The following CALN1 variants were observed in gnomAD, a reference collection of about 807,000 sequenced individuals.
The protein encoded by CALN1 is calcium-binding protein 8.
A neutral mutation model predicts 30.6 loss-of-function variants in CALN1; 17 were observed. The ratio of observed to expected loss-of-function variants is 0.56; its 90% CI spans 0.38 to 0.83. The LOEUF (loss-of-function observed/expected upper bound fraction) is 0.83. CALN1 is among the 40% of genes least tolerant of loss of function. The pLI is 0.00. For synonymous variants in CALN1, 156 were observed against 131.4 expected, an observed-to-expected ratio of 1.19 and a Z score of -1.28; for missense variants, 291 against 354.9, an observed-to-expected ratio of 0.82 and a Z score of 1.45.
At chr7:72,356,180 T>C (rs956864795) in intron 2 of CALN1, among the ~76,000 whole-genome samples, 3 of 152,138 alleles carry the variant, frequency 2.0e-5, no homozygotes, top group African/African-American at 7.2e-5. Flanking sequence ...AAGGAAAGAA[T>C]TGCTATAGTG....
chr7:71,981,163 A>G (rs1798373526), intron 5 of CALN1, among the ~76,000 whole-genome samples: 1 of 152,122 alleles, frequency 6.6e-6, no homozygotes, highest in African/African-American at 2.4e-5. Flanking sequence ...AGCCCTCGTT[A>G]TAGTCTTTTG....
chr7:72,189,531 T>C (rs947315541), intron 3 of CALN1, among the ~76,000 whole-genome samples: 8 of 152,076 alleles, frequency 5.3e-5, no homozygotes, highest in Admixed American at 1.3e-4. Flanking sequence ...CCAAGACTAG[T>C]AGTCTCCAAT....
chr7:71,989,836 TG>T (rs759779555), intron 5 of CALN1, among the ~76,000 whole-genome samples: 6 of 151,736 alleles, frequency 4.0e-5, no homozygotes, highest in South Asian at 2.1e-4. Flanking sequence ...AGGCACACTA[TG>T]GAACAGAAGC....
chr7:72,119,425 C>T (rs954726903), intron 3 of CALN1, among the ~76,000 whole-genome samples: 4 of 151,976 alleles, frequency 2.6e-5, no homozygotes, highest in African/African-American at 9.7e-5. Context: ...AACCTCCCAC[C>T]GGGTCCCTCC....
At position 71,779,877 on chromosome 7, in the gene CALN1, G is replaced by A. The variant is rs911010884; in HGVS notation, c.*7898C>T. ...TTATTCTGGATATGAGAGCTGCCAA[G>A]CTCCAATCGTCCTGGCCATGATCAA... On this transcript the variant is annotated 3_prime_UTR_variant, in exon 7 of 7. Transcript: ENST00000395275. The A allele has an allele frequency of 2.0e-5, 3 of 152,146 alleles. No homozygotes were observed. Among genetic ancestry groups the A allele is most frequent in the African/African-American group, 7.2e-5 (3 of 41,424 alleles). 9.4% of individuals were successfully genotyped at this position (152,146 alleles called of 1,614,324 possible).
chr7:72,088,744 G>GGGAA (rs1206549369), intron 4 of CALN1, among the ~76,000 whole-genome samples: 1 of 146,058 alleles, frequency 6.8e-6, no homozygotes, highest in Non-Finnish European at 1.5e-5. Flanking sequence ...AAGGAAGGAA[G>GGGAA]GGAAGGAAGG....
intron 6 of CALN1, among the ~76,000 whole-genome samples, chr7:71,809,977 C>A (rs182331471): frequency 6.6e-6 from 1 of 152,108 alleles, no homozygotes; most frequent in African/African-American, 2.4e-5. Context: ...CGGACTCGAC[C>A]CAAGTTTGCC....
the CALN1 span, among the ~76,000 whole-genome samples, chr7:72,486,756 G>T: frequency 0.22 from 32,855 of 151,946 alleles, 3,719 homozygotes; most frequent in East Asian, 0.36. Context: ...AAAGCTTTAA[G>T]ATTTTTTATT....
chr7:72,402,024 G>C (rs1398058199), intron 2 of CALN1, among the ~76,000 whole-genome samples: 1 of 152,164 alleles, frequency 6.6e-6, no homozygotes, highest in Non-Finnish European at 1.5e-5. Context: ...GCTGGGATGG[G>C]GAGACCATCC....
chr7:72,055,330 T>A (rs1188730053), intron 4 of CALN1, among the ~76,000 whole-genome samples: 1 of 151,994 alleles, frequency 6.6e-6, no homozygotes, highest in Non-Finnish European at 1.5e-5. Context: ...AGAGGCTGAT[T>A]AAACAAATAA....
chr7:72,343,392 C>CA (rs1802473144), intron 2 of CALN1, among the ~76,000 whole-genome samples: 1 of 151,892 alleles, frequency 6.6e-6, no homozygotes, highest in South Asian at 2.1e-4. Flanking sequence ...ACTGTAAATA[C>CA]AAAAAATTAG....
At chr7:72,099,069 G>A (rs10231333) in intron 4 of CALN1, among the ~76,000 whole-genome samples, 41 of 151,946 alleles carry the variant, frequency 2.7e-4, no homozygotes, top group Non-Finnish European at 4.4e-4. Context: ...GCCTCGTGCC[G>A]AAGGTATGAC....
intron 5 of CALN1, among the ~76,000 whole-genome samples, chr7:71,921,122 C>CTCATA (rs1158880463): frequency 9.9e-5 from 15 of 152,186 alleles, no homozygotes; most frequent in African/African-American, 3.6e-4. Flanking sequence ...CCAAACACCA[C>CTCATA]ATACTCTCAC....
intron 3 of CALN1, among the ~76,000 whole-genome samples, chr7:72,107,070 C>T (rs978282560): frequency 1.3e-5 from 2 of 151,976 alleles, no homozygotes; most frequent in African/African-American, 2.4e-5. Context: ...GGAGGCAGCT[C>T]GACCTGAGCA....
chr7:72,224,021 C>CA (rs1793493812), intron 3 of CALN1, among the ~76,000 whole-genome samples: 1 of 152,050 alleles, frequency 6.6e-6, no homozygotes, highest in Admixed American at 6.6e-5. Context: ...GGGAGGAAGG[C>CA]AAGGGTTAAA....
At chr7:71,863,557 C>CAAAAAAAAAAAAAAAAAAAAAA (rs71531769) in intron 5 of CALN1, among the ~76,000 whole-genome samples, 1 of 32,212 alleles carries the variant, frequency 3.1e-5, no homozygotes, top group Non-Finnish European at 7.7e-5. Context: ...AACTCCATCT[C>CAAAAAAAAAAAAAAAAAAAAAA]AAAAAAAAAA....
chr7:72,227,553 A>C (rs1562767181), intron 3 of CALN1, among the ~76,000 whole-genome samples: 1 of 135,524 alleles, frequency 7.4e-6, no homozygotes, highest in Non-Finnish European at 1.6e-5. Flanking sequence ...AAAAAAAGAA[A>C]AAAAAGAAAA....
intron 3 of CALN1, among the ~76,000 whole-genome samples, chr7:72,275,345 T>A (rs1332024618): frequency 2.6e-5 from 4 of 152,090 alleles, no homozygotes; most frequent in Non-Finnish European, 5.9e-5. Context: ...AAGCAAACTA[T>A]GCCCTGGAAA....
rs1245252600 is a variant in CALN1 at position 72,131,948 on chromosome 7, G to A, written c.245-25654C>T. On this transcript the variant is annotated intron_variant, in intron 3 of 6. Transcript: ENST00000395275. ...CCCATCCCACATGATTGTTGTTCAAGATCTGCATTATCCTCTTCAAACCCT... is the reference window on the plus strand; with the variant it reads ...CCCATCCCACATGATTGTTGTTCAAAATCTGCATTATCCTCTTCAAACCCT... 1.2e-4 allele frequency among the ~76,000 whole-genome samples: 18 copies of A among 152,236 alleles called. 1 individual carries two copies. Among genetic ancestry groups the A allele is most frequent in the Non-Finnish European group, 4.4e-5 (3 of 68,028 alleles).
Sources: allele counts gnomAD v4.1 joint callset (sites outside exome capture counted in the v4.1 genomes callset), GRCh38; gene constraint gnomAD v4.1.1; transcripts MANE v1.5; gene names NCBI Gene and HGNC (gene_info 2026-07-23, HGNC 2026-07-21).